The following SDK1 variants were observed in gnomAD, a reference collection of about 807,000 sequenced individuals.
SDK1 encodes the protein sidekick cell adhesion molecule 1, also known as protein sidekick-1.
In SDK1, 157 loss-of-function variants were observed where a neutral mutation model predicts 245.5. That is an observed-to-expected ratio of 0.64 (90% CI 0.56 to 0.73). SDK1 has a LOEUF of 0.73. SDK1 is among the 30% of genes least tolerant of loss of function. SDK1 has a pLI of 0.00. For synonymous variants in SDK1, 1,647 were observed against 1,278.5 expected (o/e 1.29, Z -6.15); for missense variants, 3,583 against 3,002.3 (o/e 1.19, Z -4.52).
chr7:4,029,593 G>A (rs1303634986), intron 17 of SDK1, among the ~76,000 whole-genome samples: 4 of 152,228 alleles, frequency 2.6e-5, no homozygotes, highest in South Asian at 2.1e-4. Flanking sequence ...TATGGATTGG[G>A]TAATAGGTCA....
At chr7:4,258,111 C>G (rs942480892) in intron 44 of SDK1, among the ~76,000 whole-genome samples, 1 of 152,162 alleles carries the variant, frequency 6.6e-6, no homozygotes, top group African/African-American at 2.4e-5. Flanking sequence ...ACTTTTAGAT[C>G]TTTGGCTGAG....
chr7:4,234,865 G>A (rs574278497), intron 41 of SDK1, among the ~76,000 whole-genome samples: 3 of 152,220 alleles, frequency 2.0e-5, no homozygotes, highest in East Asian at 3.9e-4. Context: ...GGAGGCCTCG[G>A]CGTTGGGGCA....
chr7:4,194,411 T>G (rs1427403493), intron 35 of SDK1, among the ~76,000 whole-genome samples: 1 of 115,752 alleles, frequency 8.6e-6, no homozygotes, highest in East Asian at 2.1e-4. Context: ...TGTATGCACA[T>G]ATGTGTATAC....
At chr7:4,055,115 A>G (rs1393454315) in intron 19 of SDK1, among the ~76,000 whole-genome samples, 1 of 152,168 alleles carries the variant, frequency 6.6e-6, no homozygotes, top group Non-Finnish European at 1.5e-5. Context: ...GTCCCATGAA[A>G]TATGTTTAGA....
chr7:4,233,560 T>C (rs1031877712), intron 41 of SDK1, 141 bp downstream of exon 41: 1 of 777,330 alleles, frequency 1.3e-6, no homozygotes, highest in Non-Finnish European at 2.0e-6. Flanking sequence ...AGGTCTGTCT[T>C]CTCCTGAAGG....
At chr7:3,998,829 C>T (rs1186037122) in intron 14 of SDK1, among the ~76,000 whole-genome samples, 1 of 152,190 alleles carries the variant, frequency 6.6e-6, no homozygotes, top group Non-Finnish European at 1.5e-5. Context: ...GTCTCCACTG[C>T]CTAGGGAGTG....
chr7:3,496,855 T>TC (rs1562522674), intron 1 of SDK1, among the ~76,000 whole-genome samples: 1 of 152,100 alleles, frequency 6.6e-6, no homozygotes, highest in South Asian at 2.1e-4. Context: ...TAAAATCCTT[T>TC]CCCCCCACCA....
intron 4 of SDK1, among the ~76,000 whole-genome samples, chr7:3,690,489 A>C (rs989108681): frequency 6.6e-5 from 10 of 152,006 alleles, no homozygotes; most frequent in Admixed American, 6.6e-4. Flanking sequence ...TGTAGGGATT[A>C]TAAAAATAAA....
intron 5 of SDK1, among the ~76,000 whole-genome samples, chr7:3,925,048 T>C (rs1779720144): frequency 6.6e-6 from 1 of 152,156 alleles, no homozygotes; most frequent in South Asian, 2.1e-4. Flanking sequence ...CAGCTCATTT[T>C]CCCCTTTTCT....
At chr7:3,937,337 G>A (rs963214260) in intron 5 of SDK1, among the ~76,000 whole-genome samples, 2 of 152,162 alleles carry the variant, frequency 1.3e-5, no homozygotes, top group African/African-American at 4.8e-5. Context: ...TCCAGTGGGG[G>A]AGAGACAGAC....
chr7:3,418,381 G>C (rs1042796953), intron 1 of SDK1, among the ~76,000 whole-genome samples: 2 of 152,074 alleles, frequency 1.3e-5, no homozygotes, highest in Admixed American at 1.3e-4. Flanking sequence ...GAACAGAATG[G>C]AATATTCACT....
At position 3,608,718 on chromosome 7, in the gene SDK1, C is replaced by A. The variant is rs76619355; in HGVS notation, c.299-10362C>A. Among the ~76,000 whole-genome samples the A allele has an allele frequency of 2.1e-3, 316 of 152,292 alleles. 4 individuals are homozygous for A. The highest frequency in any genetic ancestry group is 7.5e-3 in the African/African-American group (310 of 41,554). ...GACATGTGTATGGATAAGATCCATTCCAAGTACAGGACAGTCTGAAAGATG... is the reference window on the plus strand; with the variant it reads ...GACATGTGTATGGATAAGATCCATTACAAGTACAGGACAGTCTGAAAGATG... On this transcript the variant is annotated intron_variant, in intron 1 of 44. Transcript: ENST00000404826.
intron 5 of SDK1, among the ~76,000 whole-genome samples, chr7:3,896,253 C>T (rs1189565549): frequency 6.6e-6 from 1 of 152,194 alleles, no homozygotes; most frequent in Non-Finnish European, 1.5e-5. Context: ...TGGCATCTTC[C>T]TTCTCCCTGA....
At chr7:3,861,262 G>C (rs1780685745) in intron 5 of SDK1, among the ~76,000 whole-genome samples, 1 of 152,192 alleles carries the variant, frequency 6.6e-6, no homozygotes, top group African/African-American at 2.4e-5. Context: ...GAAGCGCCGT[G>C]CAAAAAGATC....
intron 4 of SDK1, among the ~76,000 whole-genome samples, chr7:3,815,815 C>G (rs887629142): frequency 2.0e-5 from 3 of 149,916 alleles, no homozygotes; most frequent in African/African-American, 7.5e-5. Context: ...CCACACCACA[C>G]CTATTCCAAA....
chr7:4,016,554 C>T (rs1222816862), intron 16 of SDK1, among the ~76,000 whole-genome samples: 1 of 152,230 alleles, frequency 6.6e-6, no homozygotes, highest in Admixed American at 6.5e-5. Flanking sequence ...TTCATAAACA[C>T]TACTTTAAAT....
At chr7:3,901,568 G>T (rs964499186) in intron 5 of SDK1, among the ~76,000 whole-genome samples, 1 of 152,136 alleles carries the variant, frequency 6.6e-6, no homozygotes, top group Non-Finnish European at 1.5e-5. Flanking sequence ...TTTTGAGTGT[G>T]ATTATTAAGC....
At chr7:3,574,497 C>T (rs1181707644) in intron 1 of SDK1, among the ~76,000 whole-genome samples, 1 of 152,034 alleles carries the variant, frequency 6.6e-6, no homozygotes, top group Non-Finnish European at 1.5e-5. Context: ...TTTAAGGTAA[C>T]CAACGGGGCT....
chr7:3,824,841 C>G (rs1338571222), intron 5 of SDK1, among the ~76,000 whole-genome samples: 1 of 152,108 alleles, frequency 6.6e-6, no homozygotes, highest in Admixed American at 6.5e-5. Flanking sequence ...GTACCGCCTG[C>G]TGTTTAGTGC....
Sources: allele counts gnomAD v4.1 joint callset (sites outside exome capture counted in the v4.1 genomes callset), GRCh38; gene constraint gnomAD v4.1.1; transcripts MANE v1.5; gene names NCBI Gene and HGNC (gene_info 2026-07-23, HGNC 2026-07-21).